CSNK1G1: variants seen among roughly 807,000 people sequenced by gnomAD.
CSNK1G1 encodes casein kinase 1 gamma 1.
A neutral mutation model predicts 59.6 loss-of-function variants in CSNK1G1; 22 were observed. The observed-to-expected ratio is 0.37, with a 90% CI of 0.26 to 0.53. The LOEUF is 0.53. Ranked by LOEUF, CSNK1G1 falls within the 20% of genes least tolerant of loss-of-function variation. CSNK1G1 has a pLI of 0.89. For missense variants in CSNK1G1, 384 were observed against 519.5 expected (o/e 0.74, Z 2.54); for synonymous variants, 179 against 177.1 (o/e 1.01, Z -0.08).
intron 3 of CSNK1G1, among the ~76,000 whole-genome samples, chr15:64,257,999 G>A: frequency 6.6e-6 from 1 of 152,122 alleles, no homozygotes; most frequent in African/African-American, 2.4e-5. Context: ...CCACCCCTTT[G>A]TAGGGAAACA....
chr15:64,286,409 A>C (rs992692460), intron 2 of CSNK1G1, among the ~76,000 whole-genome samples: 9 of 149,284 alleles, frequency 6.0e-5, no homozygotes, highest in Admixed American at 1.3e-4. Flanking sequence ...CATATTGTTA[A>C]CATGTTAACT....
intron 10 of CSNK1G1, 139 bp from the exon 11 acceptor site, chr15:64,180,593 C>T (rs2081800489): frequency 1.5e-6 from 1 of 668,292 alleles, no homozygotes. Context: ...GGAAGGTTCC[C>T]AGGCCCATAT....
intron 10 of CSNK1G1, among the ~76,000 whole-genome samples, chr15:64,187,965 T>C (rs2140222997): frequency 6.6e-6 from 1 of 152,350 alleles, no homozygotes; most frequent in African/African-American, 2.4e-5. Context: ...TCTCAGCTTA[T>C]GCGTTAAGGC....
At chr15:64,217,749 G>A (rs865775933) in intron 4 of CSNK1G1, among the ~76,000 whole-genome samples, 6 of 151,372 alleles carry the variant, frequency 4.0e-5, no homozygotes, top group Middle Eastern at 3.2e-3. Flanking sequence ...TCAGGAGGCG[G>A]AGGTTGCAGT....
intron 2 of CSNK1G1, among the ~76,000 whole-genome samples, chr15:64,277,937 A>T: frequency 6.9e-6 from 1 of 144,098 alleles, no homozygotes; most frequent in African/African-American, 2.5e-5. Flanking sequence ...ATATTTAATA[A>T]TATATTAATA....
intron 1 of CSNK1G1, among the ~76,000 whole-genome samples, chr15:64,307,856 T>G (rs1291880556): frequency 6.6e-6 from 1 of 152,044 alleles, no homozygotes; most frequent in Non-Finnish European, 1.5e-5. Context: ...CTGGCTAATT[T>G]TTTGTATTTT....
chr15:64,257,665 G>C (rs761405163), intron 3 of CSNK1G1, among the ~76,000 whole-genome samples: 1 of 152,058 alleles, frequency 6.6e-6, no homozygotes, highest in Admixed American at 6.6e-5. Flanking sequence ...GGGGACTATA[G>C]GTGTGTGCCA....
chr15:64,249,487 A>G (rs1320732886), intron 4 of CSNK1G1, among the ~76,000 whole-genome samples: 1 of 152,204 alleles, frequency 6.6e-6, no homozygotes, highest in African/African-American at 2.4e-5. Flanking sequence ...TGAACTGCAT[A>G]TAGGACCTAG....
intron 1 of CSNK1G1, among the ~76,000 whole-genome samples, chr15:64,320,876 A>C (rs533683746): frequency 1.1e-3 from 175 of 152,254 alleles, no homozygotes; most frequent in African/African-American, 4.0e-3. Flanking sequence ...TCAAGTTCTT[A>C]AAGTGAAATA....
chr15:64,317,326 T>A (rs901936387), intron 1 of CSNK1G1, among the ~76,000 whole-genome samples: 6 of 151,928 alleles, frequency 3.9e-5, no homozygotes, highest in African/African-American at 1.5e-4. Flanking sequence ...TGACCTCAGG[T>A]GATCCGCCAG....
chr15:64,294,993 A>G (rs1596235787), intron 2 of CSNK1G1, among the ~76,000 whole-genome samples: 1 of 147,092 alleles, frequency 6.8e-6, no homozygotes, highest in African/African-American at 2.5e-5. Flanking sequence ...GCACTTTGGG[A>G]GGCCGAGGTG....
chr15:64,194,620 G>A (rs904803799), intron 10 of CSNK1G1, among the ~76,000 whole-genome samples: 6 of 150,186 alleles, frequency 4.0e-5, no homozygotes, highest in Admixed American at 1.3e-4. Context: ...TGGGTCAAGC[G>A]ATTCTCCTAC....
chr15:64,292,076 G>A (rs140872770), intron 2 of CSNK1G1, among the ~76,000 whole-genome samples: 17 of 152,024 alleles, frequency 1.1e-4, no homozygotes, highest in Non-Finnish European at 2.4e-4. Flanking sequence ...CAGGCGTGGT[G>A]GCAGGCGCCT....
chr15:64,300,504 C>T lies in CSNK1G1; in HGVS notation c.-5G>A, dbSNP rs1895269145. 13 of 1,613,512 alleles carry T rather than the reference C, an allele frequency of 8.1e-6. No individual in the cohort carries two copies. Among genetic ancestry groups the T allele is most frequent in the African/African-American group, 1.3e-5 (1 of 74,918 alleles). ...TTCCCTACTAGGATGGTCCATGATC[C>T]TACAGGACAGAGTCTCCTATAGTAC... On this transcript the variant is annotated 5_prime_UTR_variant, in exon 2 of 12. Coordinates refer to ENST00000303052, the MANE Select transcript of CSNK1G1 (RefSeq NM_022048.5).
At chr15:64,288,501 T>C (rs1894550167) in intron 2 of CSNK1G1, among the ~76,000 whole-genome samples, 1 of 152,082 alleles carries the variant, frequency 6.6e-6, no homozygotes, top group African/African-American at 2.4e-5. Context: ...AACCTAGTTA[T>C]TGGAATTAAA....
chr15:64,324,098 T>C (rs977073543), intron 1 of CSNK1G1, among the ~76,000 whole-genome samples: 13 of 152,188 alleles, frequency 8.5e-5, no homozygotes, highest in African/African-American at 3.1e-4. Context: ...CTTTGACACT[T>C]TTGTCAGGTA....
At chr15:64,335,351 G>A (rs1897334272) in intron 1 of CSNK1G1, among the ~76,000 whole-genome samples, 1 of 151,918 alleles carries the variant, frequency 6.6e-6, no homozygotes, top group Admixed American at 6.6e-5. Context: ...ACTTCTTACT[G>A]GCATAAAAAT....
At position 64,214,467 on chromosome 15, in the gene CSNK1G1, T is replaced by G. The variant is rs2082285947; in HGVS notation, c.445-343A>C. On this transcript the variant is annotated intron_variant, in intron 5 of 11. Coordinates refer to ENST00000303052, the MANE Select transcript of CSNK1G1 (RefSeq NM_022048.5). The surrounding 1 kb of genome is among the most constrained non-coding windows in gnomAD (Gnocchi z 4.3). ...TAAGCATTTGAGACAAAAGAAGTAT[T>G]CCCAGGTAGGATATCAAACTGTTGG... is the stretch of plus-strand genomic sequence containing the variant. 6.6e-6 allele frequency among the ~76,000 whole-genome samples: 1 copy of G among 152,172 alleles called. No homozygotes were observed. The highest frequency in any genetic ancestry group is 1.5e-5 in the Non-Finnish European group (1 of 68,026).
chr15:64,307,082 C>T (rs1393429472), intron 1 of CSNK1G1, among the ~76,000 whole-genome samples: 1 of 152,098 alleles, frequency 6.6e-6, no homozygotes, highest in Admixed American at 6.5e-5. Context: ...ATACATTTGT[C>T]CAAATCCATA....
Sources: allele counts gnomAD v4.1 joint callset (sites outside exome capture counted in the v4.1 genomes callset), GRCh38; gene constraint gnomAD v4.1.1; non-coding constraint Gnocchi (gnomAD v3.1); transcripts MANE v1.5; gene names NCBI Gene and HGNC (gene_info 2026-07-23, HGNC 2026-07-21).